DIAPH1: variants seen among roughly 807,000 people sequenced by gnomAD.
The protein encoded by DIAPH1 is protein diaphanous homolog 1.
DIAPH1 carries 46 observed loss-of-function variants against 140.7 expected under a neutral mutation model. That is an observed-to-expected ratio of 0.33 (90% CI 0.26 to 0.42). The LOEUF (loss-of-function observed/expected upper bound fraction) is 0.42. DIAPH1 is among the 10% of genes least tolerant of loss of function. The probability of loss-of-function intolerance (pLI) is 1.00; values close to 1 mark genes in which losing one functional copy is unlikely to be tolerated. For synonymous variants in DIAPH1, 565 were observed against 551.6 expected (o/e 1.02, Z -0.34); for missense variants, 1,310 against 1,558.7 (o/e 0.84, Z 2.69).
chr5:141,604,562 G>C (rs1386458130), intron 1 of DIAPH1, among the ~76,000 whole-genome samples: 1 of 152,186 alleles, frequency 6.6e-6, no homozygotes, highest in Non-Finnish European at 1.5e-5. Flanking sequence ...TCAAGGGTGG[G>C]CATGTGTGTG....
intron 1 of DIAPH1, among the ~76,000 whole-genome samples, chr5:141,610,095 C>T (rs1333854251): frequency 1.3e-5 from 2 of 152,122 alleles, no homozygotes; most frequent in African/African-American, 4.8e-5. Flanking sequence ...GCTAGGAGTT[C>T]GAGACCAGCC....
At chr5:141,546,342 T>A (rs1181991279) in intron 18 of DIAPH1, among the ~76,000 whole-genome samples, 4 of 151,582 alleles carry the variant, frequency 2.6e-5, no homozygotes, top group African/African-American at 9.7e-5. Flanking sequence ...AAACTCCGTC[T>A]CAAAAAACAA....
intron 18 of DIAPH1, chr5:141,535,943 G>A: frequency 2.2e-6 from 1 of 453,620 alleles, no homozygotes; most frequent in South Asian, 1.6e-5. Flanking sequence ...GTATTACCTG[G>A]TACAAATAAA....
chr5:141,544,346 T>C (rs747841780), intron 18 of DIAPH1, among the ~76,000 whole-genome samples: 2 of 151,670 alleles, frequency 1.3e-5, no homozygotes, highest in Non-Finnish European at 1.5e-5. Context: ...AAGAAAAGAA[T>C]ACAAAACATA....
At chr5:141,580,075 T>C (rs931424268) in intron 8 of DIAPH1, among the ~76,000 whole-genome samples, 1 of 152,200 alleles carries the variant, frequency 6.6e-6, no homozygotes, top group Non-Finnish European at 1.5e-5. Flanking sequence ...GGTAGATCTG[T>C]AAGTACCGAC....
chr5:141,575,180 TCTC>T, intron 14 of DIAPH1, 34 bp from the exon 15 acceptor site: 4 of 1,610,032 alleles, frequency 2.5e-6, no homozygotes, highest in Non-Finnish European at 3.4e-6. Context: ...CCCAGCAAGC[TCTC>T]CATCTCAGTA....
intron 18 of DIAPH1, chr5:141,563,249 T>TG (rs2099893869): frequency 1.3e-5 from 2 of 152,316 alleles, no homozygotes; most frequent in African/African-American, 4.8e-5. Flanking sequence ...GTTTGGAAGA[T>TG]GGCAAGAAAA....
At chr5:141,537,662 T>C (rs2099889257) in intron 18 of DIAPH1, among the ~76,000 whole-genome samples, 2 of 150,914 alleles carry the variant, frequency 1.3e-5, no homozygotes, top group Non-Finnish European at 3.0e-5. Flanking sequence ...AGTAGCTTCA[T>C]GTAGAGGAAA....
rs2099903177 is a variant in DIAPH1, at chr5:141,618,992, C to G, written c.-78G>C. On this transcript the variant is annotated 5_prime_UTR_variant, in exon 1 of 28. Transcript: ENST00000389054. The stretch of plus-strand genomic sequence containing the variant: ...AGCTCCGCGCCCGCCGCCGCCCAGT[C>G]GCTCTTTAGCCAGCCGCCGCGCCCC... The G allele has an allele frequency of 3.9e-6, 3 of 760,974 alleles. No individual in the cohort carries two copies. The highest frequency in any genetic ancestry group is 3.8e-6 in the Non-Finnish European group (2 of 527,406). 47.1% of individuals were successfully genotyped at this position (760,974 alleles called of 1,614,324 possible).
intron 18 of DIAPH1, among the ~76,000 whole-genome samples, chr5:141,554,226 G>A (rs1258083245): frequency 6.6e-6 from 1 of 151,788 alleles, no homozygotes; most frequent in African/African-American, 2.4e-5. Flanking sequence ...GCAGTGAGCC[G>A]AGATTGTGCC....
chr5:141,601,296 A>G (rs1358615966), intron 1 of DIAPH1, among the ~76,000 whole-genome samples: 3 of 150,568 alleles, frequency 2.0e-5, no homozygotes, highest in African/African-American at 7.3e-5. Flanking sequence ...AAAAAGAACT[A>G]CTCCCTCTTT....
Position 141,524,183 on chromosome 5 carries a change from C to G in DIAPH1, c.3621G>C (p.Gln1207His). Residue 1207 changes from glutamine (Q) to histidine (H), a missense_variant, in exon 27 of 28, where the codon CAG becomes CAC. Gln to His is a conservative substitution (Grantham distance 24). Coordinates refer to ENST00000389054, the MANE Select transcript of DIAPH1 (RefSeq NM_005219.5). The part of the protein sequence containing the change: ...GVMDSLLEAL[Q>H]SGAAFRRKRG... The stretch of plus-strand genomic sequence containing the variant: ...TCTTCCGTCGGAATGCTGCCCCTGA[C>G]TGCAGGGCTTCTAGAAGACTGTCCA... The G allele has an allele frequency of 1.9e-6, 3 of 1,614,180 alleles. No homozygotes were observed. The highest frequency in any genetic ancestry group is 2.5e-6 in the Non-Finnish European group (3 of 1,180,036).
chr5:141,536,180 T>C, intron 18 of DIAPH1: 1 of 336,594 alleles, frequency 3.0e-6, no homozygotes, highest in South Asian at 2.5e-5. Context: ...CGCGCACCTG[T>C]AGTCCCTGCT....
chr5:141,597,807 C>T (rs908079191), intron 1 of DIAPH1, among the ~76,000 whole-genome samples: 9 of 152,148 alleles, frequency 5.9e-5, no homozygotes, highest in African/African-American at 2.2e-4. Context: ...TTTTTTCTTT[C>T]CTTCTCTGCT....
chr5:141,597,475 T>C (rs1249743407), intron 1 of DIAPH1, among the ~76,000 whole-genome samples: 3 of 152,236 alleles, frequency 2.0e-5, no homozygotes, highest in Non-Finnish European at 1.5e-5. Flanking sequence ...TTAAAAAATC[T>C]GTTCCCATAT....
chr5:141,615,716 C>G (rs1358043627), intron 1 of DIAPH1, among the ~76,000 whole-genome samples: 2 of 152,064 alleles, frequency 1.3e-5, no homozygotes, highest in African/African-American at 4.8e-5. Flanking sequence ...GCACTCCAGC[C>G]TGGGCAACAG....
chr5:141,535,695 T>G (rs374084921), intron 18 of DIAPH1, among the ~76,000 whole-genome samples: 3 of 152,158 alleles, frequency 2.0e-5, no homozygotes, highest in Non-Finnish European at 4.4e-5. Flanking sequence ...GAGCAATACA[T>G]AGGAAAAAAC....
rs138799105 is a variant in DIAPH1, at chr5:141,561,010, C to G, written c.2482+10418G>C. On this transcript the variant is annotated intron_variant, in intron 18 of 27. Coordinates refer to ENST00000389054, the MANE Select transcript of DIAPH1 (RefSeq NM_005219.5). ...AAGTCACCTGATCTTCTCCTCCAAT[C>G]CCTAGTCTCTGACCTCACAATCTGG... The G allele has an allele frequency of 3.6e-3, 1,631 of 447,534 alleles. 16 individuals carry two copies. The highest frequency in any genetic ancestry group is 9.5e-3 in the Admixed American group (401 of 42,064). 27.7% of individuals were successfully genotyped at this position (447,534 alleles called of 1,614,324 possible).
Position 141,610,298 on chromosome 5 carries a change from A to C in DIAPH1, c.117+8500T>G, listed in dbSNP as rs566373695. On this transcript the variant is annotated intron_variant, in intron 1 of 27. Coordinates refer to ENST00000389054, the MANE Select transcript of DIAPH1 (RefSeq NM_005219.5). Reference sequence around the variant, plus strand: ...AGGCACCCACCACCACACCCGGCTAATTTTTTTGTTTTGTTTTGTTTTTGA... The same window carrying C: ...AGGCACCCACCACCACACCCGGCTACTTTTTTTGTTTTGTTTTGTTTTTGA... Among the ~76,000 whole-genome samples, 16 of 151,164 alleles carry C rather than the reference A, an allele frequency of 1.1e-4. No individual in the cohort carries two copies. In the South Asian group the frequency reaches 1.9e-3, roughly 18 times the overall value.
Sources: allele counts gnomAD v4.1 joint callset (sites outside exome capture counted in the v4.1 genomes callset), GRCh38; gene constraint gnomAD v4.1.1; transcripts MANE v1.5; gene names NCBI Gene and HGNC (gene_info 2026-07-23, HGNC 2026-07-21).